The following SYT12 variants were observed in gnomAD, a reference collection of about 807,000 sequenced individuals.
SYT12 encodes synaptotagmin 12, also known as synaptotagmin-12.
SYT12 carries 27 observed loss-of-function variants against 39.5 expected under a neutral mutation model. That is an observed-to-expected ratio of 0.68 (90% CI 0.50 to 0.94). The LOEUF (loss-of-function observed/expected upper bound fraction) is 0.94. Ranked by LOEUF, SYT12 falls within the 40% of genes least tolerant of loss-of-function variation. The probability of loss-of-function intolerance (pLI) is 0.00; values close to 1 mark genes in which losing one functional copy is unlikely to be tolerated. For synonymous variants in SYT12, 233 were observed against 239.7 expected, an observed-to-expected ratio of 0.97 and a Z score of 0.26; for missense variants, 536 against 572.6, an observed-to-expected ratio of 0.94 and a Z score of 0.65.
At chr11:67,047,260 C>T (rs1242760208) in intron 7 of SYT12, among the ~76,000 whole-genome samples, 4 of 150,332 alleles carry the variant, frequency 2.7e-5, no homozygotes, top group African/African-American at 9.8e-5. Flanking sequence ...CCACTGTGCC[C>T]ACCCCCAATT....
intron 3 of SYT12, among the ~76,000 whole-genome samples, chr11:67,035,804 TCCTTCCTTCC>T (rs1950359658): frequency 3.5e-5 from 2 of 57,426 alleles, no homozygotes; most frequent in Admixed American, 1.9e-4. Flanking sequence ...CTTCCTTCCT[TCCTTCCTTCC>T]TTCCTTCCTT....
At chr11:67,043,933 T>C in intron 5 of SYT12, 80 bp downstream of exon 5, 1 of 1,313,576 alleles carries the variant, frequency 7.6e-7, no homozygotes, top group Non-Finnish European at 1.1e-6. Flanking sequence ...ATCATCCTCA[T>C]CATCCTCTGC....
chr11:67,035,874 CTTT>C (rs1323700283), intron 3 of SYT12, among the ~76,000 whole-genome samples: 6 of 125,946 alleles, frequency 4.8e-5, no homozygotes, highest in Admixed American at 8.5e-5. Context: ...TTCTTTCTTT[CTTT>C]CTTTCCCTCC....
At chr11:67,034,566 G>A in intron 2 of SYT12, 79 bp from the exon 3 acceptor site, 1 of 1,310,856 alleles carries the variant, frequency 7.6e-7, no homozygotes, top group Non-Finnish European at 1.0e-6. Context: ...TCCATTCAAT[G>A]TAGAAGTCGG....
intron 3 of SYT12, among the ~76,000 whole-genome samples, chr11:67,035,833 C>T (rs180796557): frequency 0.039 from 4,009 of 102,180 alleles, 392 homozygotes; most frequent in African/African-American, 0.16. Flanking sequence ...TTCCTTCCTT[C>T]CTTCCTTTCT....
chr11:67,018,160 G>A (rs1950073933), upstream of SYT12, among the ~76,000 whole-genome samples: 1 of 151,896 alleles, frequency 6.6e-6, no homozygotes, highest in Non-Finnish European at 1.5e-5. Context: ...CTACTTGGGA[G>A]ACTGAGGCAG....
At chr11:67,015,777 A>G (rs1950053191) in intron 3 of SYT12, among the ~76,000 whole-genome samples, 1 of 152,122 alleles carries the variant, frequency 6.6e-6, no homozygotes, top group African/African-American at 2.4e-5. Flanking sequence ...AAACGCTGGG[A>G]TCTTCGTAAA....
intron 6 of SYT12, among the ~76,000 whole-genome samples, chr11:67,045,343 T>C (rs1430286909): frequency 6.6e-6 from 1 of 151,388 alleles, no homozygotes; most frequent in Non-Finnish European, 1.5e-5. Flanking sequence ...GGGCAATAGG[T>C]GATGGGCAGA....
chr11:67,039,990 C>T lies in SYT12; in HGVS notation c.408C>T (p.Ser136=). The T allele has an allele frequency of 6.2e-7, 1 of 1,613,796 alleles. No individual in the cohort carries two copies. The highest frequency in any genetic ancestry group is 8.5e-7 in the Non-Finnish European group (1 of 1,180,024). Residue 136 remains serine, a synonymous_variant, in exon 4 of 8, where the codon TCC becomes TCT. Coordinates refer to ENST00000527043, the MANE Select transcript of SYT12 (RefSeq NM_177963.4). ...GTLRKSQSAD[S]LNSISSVSNT... ...TCCGGAAGTCCCAGTCGGCCGACTCCCTGAACTCCATCTCCTCCGTGAGCA... is the reference window on the plus strand; with the variant it reads ...TCCGGAAGTCCCAGTCGGCCGACTCTCTGAACTCCATCTCCTCCGTGAGCA...
intron 3 of SYT12, among the ~76,000 whole-genome samples, chr11:67,015,308 T>C (rs1360509645): frequency 6.6e-6 from 1 of 152,234 alleles, no homozygotes; most frequent in East Asian, 1.9e-4. Flanking sequence ...AGCAAGTCCC[T>C]GCCACCCCTG....
intron 3 of SYT12, among the ~76,000 whole-genome samples, chr11:67,039,160 G>A (rs1345503597): frequency 1.4e-5 from 2 of 146,926 alleles, no homozygotes; most frequent in South Asian, 2.2e-4. Context: ...AAAATTAGCC[G>A]GGCGTGGTGG....
At chr11:67,045,475 G>C (rs1052472867) in intron 6 of SYT12, among the ~76,000 whole-genome samples, 1 of 152,220 alleles carries the variant, frequency 6.6e-6, no homozygotes, top group African/African-American at 2.4e-5. Flanking sequence ...TGGGGCTGCT[G>C]AGTTCCCCAG....
chr11:67,025,101 TGCA>T (rs1950163633), intron 1 of SYT12, among the ~76,000 whole-genome samples: 1 of 152,158 alleles, frequency 6.6e-6, no homozygotes, highest in Non-Finnish European at 1.5e-5. Flanking sequence ...CCAGATCCAT[TGCA>T]CCCTGGCACC....
intron 2 of SYT12, among the ~76,000 whole-genome samples, chr11:67,034,227 G>T (rs1421716301): frequency 6.6e-6 from 1 of 152,148 alleles, no homozygotes; most frequent in Admixed American, 6.5e-5. Context: ...CTAATCTACT[G>T]TATAGACTGG....
chr11:67,016,955 A>G (rs1950063652), intron 3 of SYT12, among the ~76,000 whole-genome samples: 3 of 152,356 alleles, frequency 2.0e-5, no homozygotes, highest in South Asian at 4.1e-4. Context: ...CACTTTGCAC[A>G]ATGTCAAATA....
chr11:67,043,693 A>T lies in SYT12; in HGVS notation c.677A>T (p.Asp226Val). ...GATGAGAAGTTCTCCATCCCCCTGGATCCCACAGCCCTGGAGGAGAAGAGC... is the reference window on the plus strand; with the variant it reads ...GATGAGAAGTTCTCCATCCCCCTGGTTCCCACAGCCCTGGAGGAGAAGAGC... Reference protein sequence around the residue: ...FFDEKFSIPLDPTALEEKSLR... With the variant: ...FFDEKFSIPLVPTALEEKSLR... The change falls in exon 5 of 8, where the codon GAT becomes GTT. Residue 226 changes from aspartate to valine, a missense_variant. Transcript: ENST00000527043. 1.2e-6 allele frequency: 2 copies of T among 1,614,062 alleles called. No individual in the cohort carries two copies. Among genetic ancestry groups the T allele is most frequent in the Non-Finnish European group, 1.7e-6 (2 of 1,180,028 alleles).
At chr11:67,013,044 G>C (rs1950024605) in intron 3 of SYT12, among the ~76,000 whole-genome samples, 1 of 152,192 alleles carries the variant, frequency 6.6e-6, no homozygotes, top group African/African-American at 2.4e-5. Context: ...TGTCCTCACA[G>C]GTGCAGGCCC....
At chr11:67,037,283 G>A (rs902485771) in intron 3 of SYT12, among the ~76,000 whole-genome samples, 8 of 152,040 alleles carry the variant, frequency 5.3e-5, no homozygotes, top group Non-Finnish European at 1.2e-4. Context: ...TCTGAGCCAG[G>A]ATTTTAAGAA....
chr11:67,027,912 T>C (rs1355262194), intron 1 of SYT12: 1 of 152,218 alleles, frequency 6.6e-6, no homozygotes, highest in African/African-American at 2.4e-5. Flanking sequence ...GTGTGTACAT[T>C]AGCATGTGTT....
Sources: allele counts gnomAD v4.1 joint callset (sites outside exome capture counted in the v4.1 genomes callset), GRCh38; gene constraint gnomAD v4.1.1; transcripts MANE v1.5; gene names NCBI Gene and HGNC (gene_info 2026-07-23, HGNC 2026-07-21).